Variants in GRIN2A observed in about 807,000 individuals in gnomAD.
GRIN2A encodes the protein glutamate receptor ionotropic, NMDA 2A.
GRIN2A carries 22 observed loss-of-function variants against 113.4 expected under a neutral mutation model. The ratio of observed to expected loss-of-function variants is 0.19; its 90% confidence interval spans 0.14 to 0.28. GRIN2A has a LOEUF of 0.28. GRIN2A is among the 10% of genes least tolerant of loss of function. The pLI, the probability that GRIN2A is intolerant of heterozygous loss-of-function variation, is 1.00. For missense variants in GRIN2A, 1,502 were observed against 1,887.0 expected (o/e 0.80, Z 3.78); for synonymous variants, 827 against 738.4 (o/e 1.12, Z -1.94).
At chr16:9,987,778 T>G (rs1356532385) in intron 2 of GRIN2A, among the ~76,000 whole-genome samples, 4 of 152,196 alleles carry the variant, frequency 2.6e-5, no homozygotes, top group Admixed American at 6.5e-5. Flanking sequence ...AACTCAGATC[T>G]GAACCAGGTA....
chr16:9,951,494 ATC>A (rs970086878), intron 2 of GRIN2A, among the ~76,000 whole-genome samples: 43 of 152,318 alleles, frequency 2.8e-4, no homozygotes, highest in African/African-American at 9.4e-4. Context: ...AAAAGCTAAT[ATC>A]TGTTTGTTCT....
intron 2 of GRIN2A, among the ~76,000 whole-genome samples, chr16:9,961,731 C>T (rs1287494670): frequency 1.3e-5 from 2 of 152,110 alleles, no homozygotes; most frequent in Non-Finnish European, 2.9e-5. Flanking sequence ...CAATGCCATC[C>T]CCATCAAGCT....
At chr16:9,923,250 T>C (rs762107904) in intron 3 of GRIN2A, among the ~76,000 whole-genome samples, 9 of 152,188 alleles carry the variant, frequency 5.9e-5, no homozygotes, top group Non-Finnish European at 7.4e-5. Context: ...CTACTTAGTG[T>C]CTTATTAATA....
At chr16:10,054,263 A>G (rs1198706630) in intron 2 of GRIN2A, among the ~76,000 whole-genome samples, 2 of 152,210 alleles carry the variant, frequency 1.3e-5, no homozygotes, top group African/African-American at 4.8e-5. Flanking sequence ...AACAAACCAA[A>G]GAAAAGAAAA....
chr16:9,996,554 C>G (rs1013840975), intron 2 of GRIN2A, among the ~76,000 whole-genome samples: 2 of 152,156 alleles, frequency 1.3e-5, no homozygotes, highest in Non-Finnish European at 2.9e-5. Flanking sequence ...GTGACCTGTC[C>G]CTGAGCAGAT....
chr16:9,779,596 A>T (rs968918001), intron 11 of GRIN2A, among the ~76,000 whole-genome samples: 1 of 152,184 alleles, frequency 6.6e-6, no homozygotes, highest in African/African-American at 2.4e-5. Context: ...GAGAAATAAA[A>T]CTATTACAGA....
intron 2 of GRIN2A, among the ~76,000 whole-genome samples, chr16:10,062,721 T>G (rs2047569507): frequency 6.6e-6 from 1 of 152,048 alleles, no homozygotes; most frequent in Admixed American, 6.6e-5. Flanking sequence ...AAAAATTAGT[T>G]GCGTGTGATG....
chr16:9,863,146 C>A (rs1020874992), intron 4 of GRIN2A, among the ~76,000 whole-genome samples: 2 of 152,156 alleles, frequency 1.3e-5, no homozygotes, highest in African/African-American at 4.8e-5. Context: ...ATTTCCAAGG[C>A]TGCCATCCTA....
At chr16:9,799,008 A>G (rs1211767776) in intron 10 of GRIN2A, among the ~76,000 whole-genome samples, 2 of 152,294 alleles carry the variant, frequency 1.3e-5, no homozygotes, top group African/African-American at 2.4e-5. Flanking sequence ...CTATAATTCT[A>G]TAACTCAGAT....
At chr16:10,055,047 CAAAAAAAAAAAAAAAAAAAAAAAAAAA>C (rs71133304) in intron 2 of GRIN2A, among the ~76,000 whole-genome samples, 1 of 10,400 alleles carries the variant, frequency 9.6e-5, no homozygotes, top group Non-Finnish European at 1.5e-4. Context: ...GACTCTATCT[CAAAAAAAAAAAAAAAAAAAAAAAAAAA>C]AAAAAAAAAA....
intron 3 of GRIN2A, among the ~76,000 whole-genome samples, chr16:9,935,562 C>T (rs957234759): frequency 8.3e-6 from 1 of 120,018 alleles, no homozygotes; most frequent in Non-Finnish European, 1.8e-5. Flanking sequence ...ACACACACTC[C>T]TCCAGCCCCA....
intron 2 of GRIN2A, among the ~76,000 whole-genome samples, chr16:10,106,310 C>A (rs1169064359): frequency 6.6e-6 from 1 of 151,348 alleles, no homozygotes; most frequent in East Asian, 1.9e-4. Flanking sequence ...TTCTGTAATC[C>A]TAGCACTTTG....
At position 9,866,292 on chromosome 16, in the gene GRIN2A, A is replaced by T. The variant is rs77714230; in HGVS notation, c.1123-16331T>A. The stretch of plus-strand genomic sequence containing the variant: ...ATCATGAAGGAGTGCAATGGAGGGG[A>T]GTTGTGCAGTTTGCAAAGGACCTGA... On this transcript the variant is annotated intron_variant, in intron 4 of 12. Transcript: ENST00000330684. Among the ~76,000 whole-genome samples, 224 of 152,320 alleles carry T rather than the reference A, an allele frequency of 1.5e-3. 1 individual carries two copies. The East Asian group carries it at 0.02, about 14-fold the overall frequency.
intron 2 of GRIN2A, among the ~76,000 whole-genome samples, chr16:9,965,224 C>T (rs2045529181): frequency 6.6e-6 from 1 of 152,218 alleles, no homozygotes; most frequent in Non-Finnish European, 1.5e-5. Context: ...TTCAGCATCT[C>T]CATACCAACA....
intron 4 of GRIN2A, among the ~76,000 whole-genome samples, chr16:9,865,972 G>C (rs116990346): frequency 6.6e-6 from 1 of 152,158 alleles, no homozygotes; most frequent in Non-Finnish European, 1.5e-5. Context: ...TAGCCTCAAC[G>C]CTTGCCTTTG....
chr16:10,089,212 T>C (rs2142076382), intron 2 of GRIN2A, among the ~76,000 whole-genome samples: 1 of 152,304 alleles, frequency 6.6e-6, no homozygotes, highest in African/African-American at 2.4e-5. Flanking sequence ...ACTAATACAG[T>C]TCCTGCCCCT....
rs1204355370 is a variant in GRIN2A, at chr16:10,180,322, A to G, written c.90T>C (p.Gly30=). The G allele has an allele frequency of 6.2e-7, 1 of 1,609,742 alleles. No homozygotes were observed. Among genetic ancestry groups the G allele is most frequent in the Admixed American group, 1.7e-5 (1 of 59,984 alleles). The change falls in exon 2 of 13, where the codon GGT becomes GGC. Residue 30 remains glycine (G), a synonymous_variant. Coordinates refer to ENST00000330684, the MANE Select transcript of GRIN2A (RefSeq NM_001134407.3). This position sits in a 1 kb window ranked among gnomAD's most constrained non-coding sequence, Gnocchi z 7.0. ...TCACCGCAATATTTAGCGCGGGGGG[A>G]CCCTTCTCCGCCGCCGCGCTCGGCG... ...GPAPSAAAEK[G]PPALNIAVML... is the part of the protein sequence containing the mutation.
intron 4 of GRIN2A, among the ~76,000 whole-genome samples, chr16:9,857,419 T>G (rs926473014): frequency 2.0e-5 from 3 of 152,232 alleles, no homozygotes; most frequent in African/African-American, 7.2e-5. Flanking sequence ...TTTGCAAGTT[T>G]TTTGTAAATA....
At chr16:10,014,887 A>T (rs11862557) in intron 2 of GRIN2A, among the ~76,000 whole-genome samples, 46,956 of 152,048 alleles carry the variant, frequency 0.31, 8,260 homozygotes, top group Non-Finnish European at 0.39. Flanking sequence ...CAGAAAAAAA[A>T]ATTTAGCATC....
Sources: gnomAD v4.1 joint callset for allele counts (sites outside exome capture counted in the v4.1 genomes callset) on GRCh38, gnomAD v4.1.1 for gene constraint, Gnocchi (gnomAD v3.1) non-coding constraint, MANE v1.5 for transcripts, NCBI Gene and HGNC (gene_info 2026-07-23, HGNC 2026-07-21) for gene names.